MACROD2: variants seen among roughly 807,000 people sequenced by gnomAD.
The protein encoded by MACROD2 is mono-ADP ribosylhydrolase 2, also known as ADP-ribose glycohydrolase MACROD2.
In MACROD2, 36 loss-of-function variants were observed where a neutral mutation model predicts 70.4. The ratio of observed to expected loss-of-function variants is 0.51; its 90% CI spans 0.39 to 0.68. The LOEUF (loss-of-function observed/expected upper bound fraction) is 0.68. Among genes scored for constraint, MACROD2 ranks in the 30% least tolerant of loss-of-function variants. The probability of loss-of-function intolerance (pLI) is 0.00; values close to 1 mark genes in which losing one functional copy is unlikely to be tolerated. For synonymous variants in MACROD2, 172 were observed against 178.8 expected (o/e 0.96, Z 0.30); for missense variants, 496 against 538.4 (o/e 0.92, Z 0.78).
intron 3 of MACROD2, among the ~76,000 whole-genome samples, chr20:14,436,280 C>T (rs1034606811): frequency 1.3e-5 from 2 of 152,120 alleles, no homozygotes; most frequent in Non-Finnish European, 2.9e-5. Context: ...ACCCTGATTT[C>T]GCTCATTAAT....
intron 6 of MACROD2, among the ~76,000 whole-genome samples, chr20:15,264,964 T>C (rs2077280090): frequency 6.6e-6 from 1 of 152,160 alleles, no homozygotes; most frequent in African/African-American, 2.4e-5. Flanking sequence ...GCACCATACT[T>C]CTGGGTATTG....
intron 4 of MACROD2, among the ~76,000 whole-genome samples, chr20:14,499,767 C>CTTCTTTGCT (rs2084896137): frequency 6.6e-6 from 1 of 151,996 alleles, no homozygotes; most frequent in Non-Finnish European, 1.5e-5. Flanking sequence ...GCCTCCCTTC[C>CTTCTTTGCT]TTCTTTGCTT....
intron 5 of MACROD2, among the ~76,000 whole-genome samples, chr20:14,867,721 G>A (rs1483909838): frequency 6.6e-6 from 1 of 152,072 alleles, no homozygotes; most frequent in Non-Finnish European, 1.5e-5. Flanking sequence ...GGCCACCATT[G>A]TCCTTTCTAG....
At chr20:15,862,625 G>A in intron 8 of MACROD2, 120 bp from the exon 9 acceptor site, 2 of 698,388 alleles carry the variant, frequency 2.9e-6, no homozygotes, top group Non-Finnish European at 5.0e-6. Context: ...GATGTAGATA[G>A]CAGTATAGAA....
At chr20:14,246,776 CCTGTTGTAAAAA>C (rs1460703329) in intron 3 of MACROD2, among the ~76,000 whole-genome samples, 10 of 152,170 alleles carry the variant, frequency 6.6e-5, no homozygotes, top group African/African-American at 1.9e-4. Flanking sequence ...ACTTCTTTAT[CCTGTTGTAAAAA>C]CCCCTCCCAA....
intron 5 of MACROD2, among the ~76,000 whole-genome samples, chr20:14,804,786 T>G (rs1054495032): frequency 6.6e-5 from 10 of 152,008 alleles, no homozygotes; most frequent in Non-Finnish European, 1.5e-4. Flanking sequence ...TTTCCCAATT[T>G]CCTTTCCAGT....
At chr20:15,601,756 T>C (rs1396570922) in intron 8 of MACROD2, among the ~76,000 whole-genome samples, 3 of 152,130 alleles carry the variant, frequency 2.0e-5, no homozygotes, top group East Asian at 3.9e-4. Context: ...AGGCCAGGTG[T>C]GGTGGCTCAC....
At chr20:14,288,251 A>G (rs1326855952) in intron 3 of MACROD2, among the ~76,000 whole-genome samples, 1 of 152,058 alleles carries the variant, frequency 6.6e-6, no homozygotes, top group Admixed American at 6.6e-5. Flanking sequence ...CACCTGGAAT[A>G]CAGAGTTTAT....
intron 5 of MACROD2, among the ~76,000 whole-genome samples, chr20:14,998,502 C>G (rs1434855044): frequency 6.6e-6 from 1 of 152,058 alleles, no homozygotes; most frequent in Non-Finnish European, 1.5e-5. Context: ...ACCAGAGTCT[C>G]TCAACAGCAG....
At chr20:15,033,931 G>A (rs2075294125) in intron 5 of MACROD2, among the ~76,000 whole-genome samples, 1 of 152,164 alleles carries the variant, frequency 6.6e-6, no homozygotes, top group Admixed American at 6.5e-5. Flanking sequence ...TTTTATTAAT[G>A]AATGAGAGTT....
chr20:15,194,960 G>T (rs189878154), intron 5 of MACROD2, among the ~76,000 whole-genome samples: 4 of 152,028 alleles, frequency 2.6e-5, no homozygotes, highest in Admixed American at 1.3e-4. Context: ...TGGTATTAAA[G>T]AATCGTTTTC....
chr20:15,205,408 T>A (rs2076693209), intron 5 of MACROD2, among the ~76,000 whole-genome samples: 1 of 151,980 alleles, frequency 6.6e-6, no homozygotes, highest in Non-Finnish European at 1.5e-5. Context: ...TAGGATAATA[T>A]GGTCAGAAGT....
At chr20:15,782,717 C>CAAAAAAAAAAAAAAAAAAAAA (rs11472322) in intron 8 of MACROD2, among the ~76,000 whole-genome samples, 2 of 83,356 alleles carry the variant, frequency 2.4e-5, no homozygotes, top group African/African-American at 4.1e-5. Flanking sequence ...AGAGAAATGG[C>CAAAAAAAAAAAAAAAAAAAAA]AAAAAAAAAA....
At chr20:14,152,517 A>T (rs939684888) in intron 3 of MACROD2, among the ~76,000 whole-genome samples, 1 of 149,256 alleles carries the variant, frequency 6.7e-6, no homozygotes, top group African/African-American at 2.5e-5. Flanking sequence ...ACCTCCACTT[A>T]CCAGGTTCAA....
At chr20:15,965,320 A>G (rs905254254) in intron 12 of MACROD2, among the ~76,000 whole-genome samples, 7 of 152,210 alleles carry the variant, frequency 4.6e-5, no homozygotes, top group African/African-American at 1.4e-4. Flanking sequence ...GATAAAACAG[A>G]TACAGTCTGG....
At chr20:15,991,474 A>G (rs927608392) in intron 15 of MACROD2, among the ~76,000 whole-genome samples, 5 of 152,178 alleles carry the variant, frequency 3.3e-5, no homozygotes, top group African/African-American at 1.2e-4. Context: ...TACACAGAAT[A>G]CCTGTGTATT....
chr20:15,814,640 C>CTAT (rs2063854562), intron 8 of MACROD2, among the ~76,000 whole-genome samples: 1 of 152,242 alleles, frequency 6.6e-6, no homozygotes, highest in Non-Finnish European at 1.5e-5. Context: ...AAGATAACTA[C>CTAT]TATTTCTGTT....
At chr20:15,012,696 A>T (rs1039566630) in intron 5 of MACROD2, among the ~76,000 whole-genome samples, 1 of 152,056 alleles carries the variant, frequency 6.6e-6, no homozygotes, top group Non-Finnish European at 1.5e-5. Context: ...GAAGAGATAA[A>T]AGCCACCACC....
chr20:14,045,859 A>G (rs1248737198), intron 2 of MACROD2, among the ~76,000 whole-genome samples: 1 of 152,240 alleles, frequency 6.6e-6, no homozygotes, highest in African/African-American at 2.4e-5. Flanking sequence ...CAGTTGTAGA[A>G]ATTAAAGATA....
Sources: allele counts gnomAD v4.1 joint callset (sites outside exome capture counted in the v4.1 genomes callset), GRCh38; gene constraint gnomAD v4.1.1; transcripts MANE v1.5; gene names NCBI Gene and HGNC (gene_info 2026-07-23, HGNC 2026-07-21).